HSPG2: variants seen among roughly 807,000 people sequenced by gnomAD.
The protein encoded by HSPG2 is heparan sulfate proteoglycan 2.
HSPG2 carries 278 observed loss-of-function variants against 526.6 expected under a neutral mutation model. The observed-to-expected ratio is 0.53, with a 90% CI of 0.48 to 0.58. HSPG2 has a LOEUF of 0.58. Among genes scored for constraint, HSPG2 ranks in the 20% least tolerant of loss-of-function variants. The pLI is 0.00. For missense variants in HSPG2, 5,354 were observed against 6,099.5 expected (o/e 0.88, Z 4.07); for synonymous variants, 2,465 against 2,555.4 (o/e 0.96, Z 1.07).
chr1:21,926,689 G>C (rs963934662), intron 1 of HSPG2, among the ~76,000 whole-genome samples: 1 of 139,712 alleles, frequency 7.2e-6, no homozygotes, highest in African/African-American at 2.6e-5. Context: ...TTGAATCCGA[G>C]AGGCAGAGGT....
chr1:21,865,644 G>T lies in HSPG2; in HGVS notation c.4314+73C>A. The T allele has an allele frequency of 7.9e-7, 1 of 1,264,486 alleles. No individual in the cohort carries two copies. Among genetic ancestry groups the T allele is most frequent in the Non-Finnish European group, 1.2e-6 (1 of 862,732 alleles). 78.3% of individuals were successfully genotyped at this position (1,264,486 alleles called of 1,614,324 possible). The stretch of plus-strand genomic sequence containing the variant: ...CTGAGTGCTGGATGGAAAGGACAAA[G>T]GACAAATGCCGAGGGTGCCCCTGGC... On this transcript the variant is annotated intron_variant, in intron 34 of 96. Coordinates refer to ENST00000374695, the MANE Select transcript of HSPG2 (RefSeq NM_005529.7). The surrounding 1 kb of genome is among the most constrained non-coding windows in gnomAD (Gnocchi z 5.4).
chr1:21,872,180 GC>G lies in HSPG2; in HGVS notation c.4221+5del. The G allele has an allele frequency of 6.4e-7, 1 of 1,551,610 alleles. No individual in the cohort carries two copies. Among genetic ancestry groups the G allele is most frequent in the African/African-American group, 1.4e-5 (1 of 73,184 alleles). On this transcript the variant is annotated splice_donor_5th_base_variant and intron_variant, in intron 33 of 96. Coordinates refer to ENST00000374695, the MANE Select transcript of HSPG2 (RefSeq NM_005529.7). The surrounding 1 kb of genome is among the most constrained non-coding windows in gnomAD (Gnocchi z 5.5). The stretch of plus-strand genomic sequence containing the variant: ...CGGCTGACCCTGGTGCTTGGCTGGG[GC>G]CCACCTTGTCTCCCTGGTATGTCTC...
chr1:21,844,481 G>A (rs1041648798), intron 64 of HSPG2, among the ~76,000 whole-genome samples, 182 bp from the exon 65 acceptor site: 8 of 152,306 alleles, frequency 5.3e-5, no homozygotes, highest in Middle Eastern at 3.4e-3. Flanking sequence ...CATTCCCCCA[G>A]CCCCGCCCCC....
chr1:21,854,671 C>T lies in HSPG2; in HGVS notation c.6228G>A (p.Gly2076=), dbSNP rs769398456. 23 of 1,606,156 alleles carry T rather than the reference C, an allele frequency of 1.4e-5. No individual in the cohort carries two copies. The highest frequency in any genetic ancestry group is 1.6e-4 in the Middle Eastern group (1 of 6,068). ...ACCAGGTGACCTGGGCATGGGCTGA[C>T]CCTGCCACCACACAGTTGAGGTCGA... ...QTLDLNCVVA[G]SAHAQVTWYR... is the part of the protein sequence containing the mutation. The change falls in exon 49 of 97, where the codon GGG becomes GGA. Residue 2076 remains glycine, a synonymous_variant. Coordinates refer to ENST00000374695, the MANE Select transcript of HSPG2 (RefSeq NM_005529.7).
chr1:21,933,175 G>A (rs1348849924), intron 1 of HSPG2, among the ~76,000 whole-genome samples: 1 of 151,194 alleles, frequency 6.6e-6, no homozygotes, highest in East Asian at 1.9e-4. Context: ...AGCTGTGATT[G>A]TGCCACTGCA....
intron 33 of HSPG2, chr1:21,870,718 C>A: frequency 1.8e-6 from 1 of 544,492 alleles, no homozygotes. Flanking sequence ...CGCCTGGATT[C>A]ATGCAGACCC....
chr1:21,899,936 C>T (rs2152777148), intron 1 of HSPG2, among the ~76,000 whole-genome samples: 1 of 152,298 alleles, frequency 6.6e-6, no homozygotes, highest in South Asian at 2.1e-4. Context: ...AGTCCCTGTC[C>T]CCAACCTGAC....
chr1:21,920,158 T>C (rs1284874929), intron 1 of HSPG2, among the ~76,000 whole-genome samples: 1 of 152,202 alleles, frequency 6.6e-6, no homozygotes, highest in African/African-American at 2.4e-5. Context: ...CCGCCAGCCT[T>C]GGCCTCCCAA....
chr1:21,862,829 C>CTTTGGGAGGCCAAG (rs6143159), intron 37 of HSPG2, among the ~76,000 whole-genome samples: 28 of 151,336 alleles, frequency 1.9e-4, no homozygotes, highest in African/African-American at 6.3e-4. Flanking sequence ...AATCTCAGGA[C>CTTTGGGAGGCCAAG]GTGGGTGGAT....
intron 50 of HSPG2, 97 bp from the exon 51 acceptor site, chr1:21,853,167 G>T (rs1235246042): frequency 6.5e-7 from 1 of 1,548,180 alleles, no homozygotes; most frequent in Non-Finnish European, 8.8e-7. Context: ...CCCTAGTGGG[G>T]ACGGCCGACA....
In HSPG2 at chr1:21,864,773, G is replaced by C; in HGVS notation, c.4626+70C>G. 2 of 1,311,294 alleles carry C rather than the reference G, an allele frequency of 1.5e-6. No homozygotes were observed. Among genetic ancestry groups the C allele is most frequent in the Non-Finnish European group, 2.2e-6 (2 of 929,372 alleles). 81.2% of individuals were successfully genotyped at this position (1,311,294 alleles called of 1,614,324 possible). A position where few individuals can be genotyped will look rare whatever the true frequency, so the allele number is the denominator to read the frequency against. On this transcript the variant is annotated intron_variant, in intron 36 of 96. Coordinates refer to ENST00000374695, the MANE Select transcript of HSPG2 (RefSeq NM_005529.7). The surrounding 1 kb of genome is among the most constrained non-coding windows in gnomAD (Gnocchi z 4.8). ...TTATGATGGTAATCAAGGCTGCGGCGACGCCGGCTGATTTGCTTGCTGATG... is the reference window on the plus strand; with the variant it reads ...TTATGATGGTAATCAAGGCTGCGGCCACGCCGGCTGATTTGCTTGCTGATG...
At chr1:21,913,748 A>C (rs1240991351) in intron 1 of HSPG2, among the ~76,000 whole-genome samples, 1 of 152,174 alleles carries the variant, frequency 6.6e-6, no homozygotes, top group African/African-American at 2.4e-5. Flanking sequence ...GCTACCCCCA[A>C]ATCTGATCCA....
intron 1 of HSPG2, among the ~76,000 whole-genome samples, chr1:21,930,077 C>G (rs752723218): frequency 1.3e-4 from 20 of 152,142 alleles, no homozygotes; most frequent in Non-Finnish European, 2.1e-4. Context: ...TGCCACCCCC[C>G]TGCCTGCTGC....
At chr1:21,907,711 G>A (rs569324504) in intron 1 of HSPG2, among the ~76,000 whole-genome samples, 6 of 152,104 alleles carry the variant, frequency 3.9e-5, no homozygotes, top group Admixed American at 6.5e-5. Flanking sequence ...ATGAGGTCTC[G>A]CTATGTTGCC....
rs1642874309 is a variant in HSPG2, at chr1:21,898,070, T to A, written c.64-1760A>T. Among the ~76,000 whole-genome samples the A allele has an allele frequency of 6.6e-6, 1 of 152,230 alleles. No homozygotes were observed. The highest frequency in any genetic ancestry group is 1.5e-5 in the Non-Finnish European group (1 of 68,046). ...ACCCTGTGCTCAATAAATACTTGAA[T>A]GAATGAATAAATGAACGGACAAAAA... On this transcript the variant is annotated intron_variant, in intron 1 of 96. Transcript: ENST00000374695. The surrounding 1 kb of genome is among the most constrained non-coding windows in gnomAD (Gnocchi z 4.0).
At position 21,822,866 on chromosome 1, in the gene HSPG2, T is replaced by A. The variant is rs1049910272; in HGVS notation, c.*450A>T. ...AGCCGGCACTAAAGACAATTCCCAA[T>A]CCTGAGTGGGTGGCAGAGACTCCTG... On this transcript the variant is annotated 3_prime_UTR_variant, in exon 97 of 97. Transcript: ENST00000374695. 1.2e-5 allele frequency: 2 copies of A among 163,302 alleles called. No homozygotes were observed. The highest frequency in any genetic ancestry group is 3.6e-4 in the South Asian group (2 of 5,612). 10.1% of individuals were successfully genotyped at this position (163,302 alleles called of 1,614,324 possible).
chr1:21,859,086 T>C lies in HSPG2; in HGVS notation c.5293+480A>G, dbSNP rs945177718. On this transcript the variant is annotated intron_variant, in intron 42 of 96. Coordinates refer to ENST00000374695, the MANE Select transcript of HSPG2 (RefSeq NM_005529.7). This position sits in a 1 kb window ranked among gnomAD's most constrained non-coding sequence, Gnocchi z 5.3. The stretch of plus-strand genomic sequence containing the variant: ...TTTTTAAGACAGAGTCTTGCTCTGT[T>C]GCCCAGGCTGGAGTGCAGTGGCGCA... 2.0e-5 allele frequency among the ~76,000 whole-genome samples: 3 copies of C among 152,128 alleles called. No homozygotes were observed. Among genetic ancestry groups the C allele is most frequent in the East Asian group, 1.9e-4 (1 of 5,162 alleles).
In HSPG2 at chr1:21,887,396, A is replaced by T. The variant is rs759366338; in HGVS notation, c.958+24T>A. 9.9e-6 allele frequency: 16 copies of T among 1,613,754 alleles called. No individual in the cohort carries two copies. In the South Asian group the frequency reaches 1.8e-4, roughly 18 times the overall value. ...GGCCAGCTTCCTGCTCCCCGCACCC[A>T]CCTGCACCCCTGCCGGTGCGCACCA... On this transcript the variant is annotated intron_variant, in intron 8 of 96. Transcript: ENST00000374695. The surrounding 1 kb of genome is among the most constrained non-coding windows in gnomAD (Gnocchi z 5.0).
At chr1:21,863,060 C>CAAAAAAAAAAAAAAAAAAAAAAAA (rs60890297) in intron 37 of HSPG2, among the ~76,000 whole-genome samples, 3 of 31,234 alleles carry the variant, frequency 9.6e-5, no homozygotes, top group Non-Finnish European at 1.6e-4. Flanking sequence ...GACTCCATCT[C>CAAAAAAAAAAAAAAAAAAAAAAAA]AAAAAAAAAA....
Sources: allele counts gnomAD v4.1 joint callset (sites outside exome capture counted in the v4.1 genomes callset), GRCh38; gene constraint gnomAD v4.1.1; non-coding constraint Gnocchi (gnomAD v3.1); transcripts MANE v1.5; gene names NCBI Gene and HGNC (gene_info 2026-07-23, HGNC 2026-07-21).